The following VSIG1 variants were observed in gnomAD, a reference collection of about 807,000 sequenced individuals.
VSIG1 encodes V-set and immunoglobulin domain containing 1.
Under a neutral mutation model 20.1 loss-of-function variants are expected in VSIG1, and 11 were observed. The ratio of observed to expected loss-of-function variants is 0.55; its 90% confidence interval spans 0.34 to 0.91. The LOEUF (loss-of-function observed/expected upper bound fraction) is 0.91, where lower values mean the gene tolerates loss of function less well. Among genes scored for constraint, VSIG1 ranks in the 40% least tolerant of loss-of-function variants. VSIG1 has a pLI of 0.02. For missense variants in VSIG1, 283 were observed against 298.8 expected (o/e 0.95, Z 0.39); for synonymous variants, 126 against 116.7 (o/e 1.08, Z -0.52).
chrX:108,023,564 T>G, the VSIG1 span, among the ~76,000 whole-genome samples: 2 of 112,327 alleles, frequency 1.8e-5, no homozygotes, highest in East Asian at 5.6e-4. Context: ...AGTGTAACCA[T>G]CTGGTCCTAG....
intron 2 of VSIG1, chrX:108,061,330 T>C (rs1360511420): frequency 2.5e-5 from 14 of 568,768 alleles, no homozygotes; most frequent in Non-Finnish European, 3.7e-5. Context: ...CAGACATCAG[T>C]GGTCACACTG....
At chrX:108,063,274 C>A (rs1014942665) in intron 2 of VSIG1, among the ~76,000 whole-genome samples, 1 of 111,600 alleles carries the variant, frequency 9.0e-6, no homozygotes. Flanking sequence ...AATCATCTTT[C>A]TCATCTTAAG....
chrX:108,062,058 A>T (rs188107637), intron 2 of VSIG1, among the ~76,000 whole-genome samples: 86 of 110,482 alleles, frequency 7.8e-4, no homozygotes, highest in Non-Finnish European at 1.3e-3. Flanking sequence ...ACTCTAGGCC[A>T]GGTATGGGCA....
chrX:108,061,355 A>C lies in VSIG1; in HGVS notation c.213+3154A>C, dbSNP rs371168659. On this transcript the variant is annotated intron_variant, in intron 2 of 6. Coordinates refer to ENST00000217957, the MANE Select transcript of VSIG1 (RefSeq NM_182607.5). ...TGGTCACACTGAGAGATTCAGTTCA[A>C]CTCCTGGGTTGATGTGGCAGTATAC... 446 of 782,425 alleles carry C rather than the reference A, an allele frequency of 5.7e-4. No homozygotes were observed. In the African/African-American group the frequency reaches 7.6e-3, roughly 13 times the overall value. The allele number at this position is 782,425 out of a possible 1,213,427, so 64.5% of individuals were successfully genotyped here. A position where few individuals can be genotyped will look rare whatever the true frequency, so the allele number is the denominator to read the frequency against.
intron 3 of VSIG1, among the ~76,000 whole-genome samples, chrX:108,072,473 G>A (rs181381525): frequency 1.6e-3 from 173 of 111,177 alleles, no homozygotes; most frequent in Middle Eastern, 4.6e-3. Flanking sequence ...GGCTGGTCTC[G>A]AACTCCTGAC....
In VSIG1 at chrX:108,060,267, G is replaced by T. The variant is rs182323808; in HGVS notation, c.213+2066G>T. ...GTGATTTAAGATATATACTCTTTTG[G>T]AATGTCCACATCAAAGGAGGGCCTC... On this transcript the variant is annotated intron_variant, in intron 2 of 6. Coordinates refer to ENST00000217957, the MANE Select transcript of VSIG1 (RefSeq NM_182607.5). Among the ~76,000 whole-genome samples, 13 of 111,737 alleles carry T rather than the reference G, an allele frequency of 1.2e-4. No homozygotes were observed. In the East Asian group the frequency reaches 3.1e-3, roughly 27 times the overall value.
intron 3 of VSIG1, among the ~76,000 whole-genome samples, chrX:108,071,824 C>T (rs2031250766): frequency 9.5e-6 from 1 of 105,393 alleles, no homozygotes; most frequent in Non-Finnish European, 1.9e-5. Context: ...TGGACTTCCC[C>T]TACTGATGAT....
intron 1 of VSIG1, among the ~76,000 whole-genome samples, chrX:108,047,398 G>A (rs1407161860): frequency 1.8e-5 from 2 of 111,314 alleles, no homozygotes; most frequent in Non-Finnish European, 3.8e-5. Flanking sequence ...AAAAATTTAT[G>A]CATATCATTT....
At chrX:108,061,504 A>G in intron 2 of VSIG1, 3 of 1,166,714 alleles carry the variant, frequency 2.6e-6, no homozygotes, top group Non-Finnish European at 3.4e-6. Flanking sequence ...CACGCAAGAG[A>G]CGCTCGGGGA....
Position 108,058,171 on chromosome X carries a change from C to A in VSIG1, c.183C>A (p.Phe61Leu), listed in dbSNP as rs1238128801. The change falls in exon 2 of 7, where the codon TTC becomes TTA. Residue 61 changes from phenylalanine to leucine, a missense_variant. Transcript: ENST00000217957. The stretch of plus-strand genomic sequence containing the variant: ...AACAGCTTTCCATCCAGTGGTCTTT[C>A]TTCCATAAGAAGGAGATGGAGCCAA... ...SREQLSIQWS[F>L]FHKKEMEPIS... The A allele has an allele frequency of 8.3e-7, 1 of 1,209,580 alleles. No individual in the cohort carries two copies.
intron 1 of VSIG1, among the ~76,000 whole-genome samples, chrX:108,054,375 C>T (rs1014124740): frequency 1.8e-5 from 2 of 111,626 alleles, no homozygotes; most frequent in Middle Eastern, 4.6e-3. Flanking sequence ...GACAGAACAT[C>T]AGTAAATATA....
chrX:108,061,624 G>A lies in VSIG1; in HGVS notation c.213+3423G>A, dbSNP rs2031027323. 4.0e-6 allele frequency: 3 copies of A among 758,976 alleles called. No individual in the cohort carries two copies. In the South Asian group the frequency reaches 7.4e-5, roughly 19 times the overall value. 62.5% of individuals were successfully genotyped at this position (758,976 alleles called of 1,213,427 possible). ...ACCAGCTTTAGGAATGGGATGGGAG[G>A]GTCTGACTTTGGTAACAATCAAGAT... On this transcript the variant is annotated intron_variant, in intron 2 of 6. Transcript: ENST00000217957.
intron 2 of VSIG1, among the ~76,000 whole-genome samples, chrX:108,060,855 A>G (rs2031005100): frequency 8.9e-6 from 1 of 112,370 alleles, no homozygotes; most frequent in African/African-American, 3.2e-5. Context: ...TATTATTGGC[A>G]TCATCACTTA....
chrX:108,058,063 C>A lies in VSIG1; in HGVS notation c.75C>A (p.Thr25=), dbSNP rs1292524717. 8.3e-7 allele frequency: 1 copy of A among 1,206,742 alleles called. No individual in the cohort carries two copies. Among genetic ancestry groups the A allele is most frequent in the Non-Finnish European group, 1.1e-6 (1 of 893,222 alleles). Residue 25 remains threonine, a synonymous_variant, in exon 2 of 7, where the codon ACC becomes ACA. Transcript: ENST00000217957. ...GTCAGGTTAGTGTGGTGCAAGTGAC[C>A]ATCCCAGACGGTTTCGTGAACGTGA... ...LAGQVSVVQV[T]IPDGFVNVTV... is the part of the protein sequence containing the mutation.
At position 108,061,436 on chromosome X, in the gene VSIG1, G is replaced by A. The variant is rs780231888; in HGVS notation, c.213+3235G>A. 13 of 1,161,712 alleles carry A rather than the reference G, an allele frequency of 1.1e-5. No individual in the cohort carries two copies. The South Asian group carries it at 1.7e-4, about 15-fold the overall frequency. ...TTTCTGCTCAAACACAGCACAGCTC[G>A]TGCCTCAGTACTGAGGGTATGGAGG... is the stretch of plus-strand genomic sequence containing the variant. On this transcript the variant is annotated intron_variant, in intron 2 of 6. Coordinates refer to ENST00000217957, the MANE Select transcript of VSIG1 (RefSeq NM_182607.5).
chrX:108,075,998 T>TA (rs1454459259), intron 5 of VSIG1, 79 bp from the exon 6 acceptor site: 2 of 1,139,350 alleles, frequency 1.8e-6, no homozygotes, highest in Non-Finnish European at 2.4e-6. Flanking sequence ...ATGGCCCTGA[T>TA]ATTCCCCACT....
At chrX:108,039,965 T>C in the VSIG1 span, among the ~76,000 whole-genome samples, 3 of 111,065 alleles carry the variant, frequency 2.7e-5, no homozygotes, top group Non-Finnish European at 5.7e-5. Context: ...ATTTCTATAG[T>C]CTTGGATTGG....
chrX:108,061,361 G>A, intron 2 of VSIG1: 1 of 833,060 alleles, frequency 1.2e-6, no homozygotes, highest in Non-Finnish European at 1.7e-6. Context: ...TTCAACTCCT[G>A]GGTTGATGTG....
Position 108,078,564 on chromosome X carries a change from T to C in VSIG1, c.*1183T>C, listed in dbSNP as rs1222826392. 1 of 112,222 alleles carries C rather than the reference T, an allele frequency of 8.9e-6. No individual in the cohort carries two copies. The highest frequency in any genetic ancestry group is 3.2e-5 in the African/African-American group (1 of 30,863). The allele number at this position is 112,222 out of a possible 1,213,427, so 9.2% of individuals were successfully genotyped here. A position where few individuals can be genotyped will look rare whatever the true frequency, so the allele number is the denominator to read the frequency against. ...GAGATTGTGCCACTGCACTCCAACC[T>C]GGGTGACAGAGTGAGATTCCATCTG... On this transcript the variant is annotated 3_prime_UTR_variant, in exon 7 of 7. Transcript: ENST00000217957.
Sources: allele counts gnomAD v4.1 joint callset (sites outside exome capture counted in the v4.1 genomes callset), GRCh38; gene constraint gnomAD v4.1.1; transcripts MANE v1.5; gene names NCBI Gene and HGNC (gene_info 2026-07-23, HGNC 2026-07-21).